Variants in ADGRL2 observed in about 807,000 individuals in gnomAD.
ADGRL2 encodes adhesion G protein-coupled receptor L2.
A neutral mutation model predicts 157.4 loss-of-function variants in ADGRL2; 44 were observed. The ratio of observed to expected loss-of-function variants is 0.28; its 90% CI spans 0.22 to 0.36. The LOEUF (loss-of-function observed/expected upper bound fraction) is 0.36, where lower values mean the gene tolerates loss of function less well. Ranked by LOEUF, ADGRL2 falls within the 10% of genes least tolerant of loss-of-function variation. The probability of loss-of-function intolerance (pLI) is 1.00; values close to 1 mark genes in which losing one functional copy is unlikely to be tolerated. For synonymous variants in ADGRL2, 585 were observed against 624.7 expected (o/e 0.94, Z 0.95); for missense variants, 1,510 against 1,768.9 (o/e 0.85, Z 2.63).
chr1:81,537,107 T>A (rs952247679), intron 2 of ADGRL2, among the ~76,000 whole-genome samples: 2 of 152,230 alleles, frequency 1.3e-5, no homozygotes, highest in Non-Finnish European at 2.9e-5. Context: ...TTTATTGTTT[T>A]TGAATTACAT....
chr1:81,927,970 T>A (rs1401779194), intron 3 of ADGRL2, among the ~76,000 whole-genome samples: 1 of 152,052 alleles, frequency 6.6e-6, no homozygotes, highest in African/African-American at 2.4e-5. Flanking sequence ...TTCAACTCCA[T>A]TTTTCTCTTG....
At chr1:81,736,094 G>A (rs2084890084) in intron 1 of ADGRL2, among the ~76,000 whole-genome samples, 1 of 143,916 alleles carries the variant, frequency 6.9e-6, no homozygotes, top group Admixed American at 7.3e-5. Context: ...AGTGAACCGA[G>A]ATCACGCCAC....
At chr1:81,860,929 G>T (rs2093367420) in intron 2 of ADGRL2, among the ~76,000 whole-genome samples, 1 of 151,406 alleles carries the variant, frequency 6.6e-6, no homozygotes, top group African/African-American at 2.4e-5. Flanking sequence ...TAAGTATGCA[G>T]TTGTCCAATT....
chr1:81,941,920 T>A (rs1161677676), intron 4 of ADGRL2, 114 bp from the exon 5 acceptor site: 1 of 569,712 alleles, frequency 1.8e-6, no homozygotes, highest in African/African-American at 1.9e-5. Flanking sequence ...TAATTCTTCC[T>A]ATATTTAGCA....
intron 3 of ADGRL2, among the ~76,000 whole-genome samples, chr1:81,915,186 C>T (rs1230370247): frequency 2.0e-5 from 3 of 152,028 alleles, no homozygotes. Context: ...AGTGATCCTC[C>T]CACCTCAGTC....
chr1:81,547,421 A>G lies in ADGRL2; in HGVS notation c.-247-33455A>G, dbSNP rs193286451. On this transcript the variant is annotated intron_variant, in intron 2 of 24. Coordinates refer to the ADGRL2 transcript ENST00000370721. ...CTTCCCTCACTCAACCCCCACCACC[A>G]GGAATTGGTGAAAACTGGAGAAGCT... 1.7e-3 allele frequency among the ~76,000 whole-genome samples: 259 copies of G among 152,260 alleles called. 1 individual carries two copies. Among genetic ancestry groups the G allele is most frequent in the Non-Finnish European group, 2.6e-3 (178 of 68,014 alleles).
chr1:81,606,734 A>C (rs1046913201), intron 3 of ADGRL2, among the ~76,000 whole-genome samples: 1 of 143,344 alleles, frequency 7.0e-6, no homozygotes, highest in African/African-American at 2.6e-5. Flanking sequence ...TAAATTTCTC[A>C]AGAGGATCAA....
chr1:81,679,217 C>G (rs2083058005), intron 3 of ADGRL2, among the ~76,000 whole-genome samples: 2 of 152,054 alleles, frequency 1.3e-5, no homozygotes, highest in African/African-American at 4.8e-5. Context: ...TAAGAGGAGT[C>G]AGTGTTTCCA....
At chr1:81,472,368 G>A (rs1303038712) in intron 2 of ADGRL2, among the ~76,000 whole-genome samples, 1 of 152,230 alleles carries the variant, frequency 6.6e-6, no homozygotes, top group Non-Finnish European at 1.5e-5. Context: ...GCTCACACCT[G>A]TAATCCTAGC....
At chr1:81,570,979 A>G (rs1190161456) in intron 2 of ADGRL2, among the ~76,000 whole-genome samples, 2 of 152,138 alleles carry the variant, frequency 1.3e-5, no homozygotes, top group Non-Finnish European at 2.9e-5. Flanking sequence ...CATAAACAAT[A>G]TTAAGTGAAT....
At chr1:81,555,678 G>C (rs2080258363) in intron 2 of ADGRL2, among the ~76,000 whole-genome samples, 1 of 152,126 alleles carries the variant, frequency 6.6e-6, no homozygotes, top group African/African-American at 2.4e-5. Context: ...CATGCTCTTT[G>C]TGGAGGTTAA....
intron 6 of ADGRL2, among the ~76,000 whole-genome samples, chr1:81,948,363 T>C (rs559371752): frequency 6.6e-6 from 1 of 152,338 alleles, no homozygotes; most frequent in East Asian, 1.9e-4. Flanking sequence ...TCGGTTATTA[T>C]GAATCTCAAC....
At position 81,770,660 on chromosome 1, in the gene ADGRL2, A is replaced by G. The variant is rs993013471; in HGVS notation, c.-101+8808A>G. Among the ~76,000 whole-genome samples, 5 of 150,806 alleles carry G rather than the reference A, an allele frequency of 3.3e-5. No individual in the cohort carries two copies. The East Asian group carries it at 9.9e-4, about 30-fold the overall frequency. ...AGCTAATTTTGTATTTTTGGTAGAG[A>G]TGGGGTTTCTCCATGTTGGTCAGGC... On this transcript the variant is annotated intron_variant, in intron 2 of 20. Coordinates refer to the ADGRL2 transcript ENST00000359929.
chr1:81,941,962 C>T (rs915933131), intron 4 of ADGRL2, 72 bp from the exon 5 acceptor site: 33 of 708,434 alleles, frequency 4.7e-5, no homozygotes, highest in Admixed American at 4.3e-4. Context: ...GACTAATAGT[C>T]AATTTATTTT....
intron 3 of ADGRL2, among the ~76,000 whole-genome samples, chr1:81,656,445 C>G (rs1302906594): frequency 6.6e-6 from 1 of 152,110 alleles, no homozygotes; most frequent in Admixed American, 6.5e-5. Flanking sequence ...CATTTTTGCC[C>G]ACCACTAACT....
intron 11 of ADGRL2, among the ~76,000 whole-genome samples, chr1:81,957,184 T>TAA (rs61224384): frequency 0.18 from 25,853 of 147,148 alleles, 2,933 homozygotes; most frequent in East Asian, 0.63. Flanking sequence ...TGAAAATTAT[T>TAA]AAAAAAAAAA....
chr1:81,488,996 G>T (rs1406485081), intron 2 of ADGRL2, among the ~76,000 whole-genome samples: 2 of 152,180 alleles, frequency 1.3e-5, no homozygotes, highest in Non-Finnish European at 2.9e-5. Context: ...AGCACTGTGG[G>T]AAGTTGAGGT....
intron 2 of ADGRL2, chr1:81,502,421 G>T: frequency 1.2e-6 from 2 of 1,614,054 alleles, no homozygotes; most frequent in South Asian, 2.2e-5. Context: ...TGAACTGGAC[G>T]GTGATCCTGA....
At chr1:81,833,038 G>C (rs992767569) in intron 1 of ADGRL2, among the ~76,000 whole-genome samples, 1 of 152,186 alleles carries the variant, frequency 6.6e-6, no homozygotes, top group African/African-American at 2.4e-5. Flanking sequence ...AATTGGGTTA[G>C]TGTCATCCTT....
Sources: gnomAD v4.1 joint callset for allele counts (sites outside exome capture counted in the v4.1 genomes callset) on GRCh38, gnomAD v4.1.1 for gene constraint, MANE v1.5 for transcripts, NCBI Gene and HGNC (gene_info 2026-07-23, HGNC 2026-07-21) for gene names.